CFAP299: variants seen among roughly 807,000 people sequenced by gnomAD.
CFAP299 encodes the protein cilia and flagella associated protein 299, also known as cilia- and flagella-associated protein 299.
In CFAP299, 21 loss-of-function variants were observed where a neutral mutation model predicts 27.0. That is an observed-to-expected ratio of 0.78 (90% CI 0.55 to 1.12). The LOEUF (loss-of-function observed/expected upper bound fraction) is 1.12, where lower values mean the gene tolerates loss of function less well. Ranked by LOEUF, CFAP299 falls within the 50% of genes most tolerant of loss-of-function variation. The probability of loss-of-function intolerance (pLI) is 0.00; values close to 1 mark genes in which losing one functional copy is unlikely to be tolerated. For synonymous variants in CFAP299, 104 were observed against 98.1 expected (o/e 1.06, Z -0.36); for missense variants, 310 against 276.6 (o/e 1.12, Z -0.86).
chr4:80,542,601 T>C (rs1440533073), intron 2 of CFAP299, among the ~76,000 whole-genome samples: 2 of 152,092 alleles, frequency 1.3e-5, no homozygotes, highest in Non-Finnish European at 2.9e-5. Context: ...AGGGCTGTCT[T>C]TCTCACGGGA....
intron 3 of CFAP299, among the ~76,000 whole-genome samples, chr4:80,747,244 A>C (rs1379018434): frequency 1.3e-5 from 2 of 152,082 alleles, no homozygotes; most frequent in East Asian, 3.8e-4. Context: ...ATCATTATGA[A>C]GTATTATGTA....
At chr4:80,858,775 A>T (rs1732106473) in intron 3 of CFAP299, among the ~76,000 whole-genome samples, 1 of 152,010 alleles carries the variant, frequency 6.6e-6, no homozygotes, top group Non-Finnish European at 1.5e-5. Context: ...TCTGAGAGAT[A>T]GTTTGTTATA....
At chr4:80,881,274 G>A (rs1265620797) in intron 4 of CFAP299, among the ~76,000 whole-genome samples, 6 of 152,192 alleles carry the variant, frequency 3.9e-5, no homozygotes, top group East Asian at 1.9e-4. Flanking sequence ...GTGCATAACA[G>A]AGGTTCTTCC....
At chr4:80,825,312 A>G (rs1729923798) in intron 3 of CFAP299, among the ~76,000 whole-genome samples, 1 of 152,004 alleles carries the variant, frequency 6.6e-6, no homozygotes, top group South Asian at 2.1e-4. Flanking sequence ...GCAATATGAA[A>G]GGATCAGAAG....
In CFAP299 at chr4:80,886,850, C is replaced by T. The variant is rs943920611; in HGVS notation, c.476+16715C>T. 5.3e-5 allele frequency among the ~76,000 whole-genome samples: 8 copies of T among 152,046 alleles called. No homozygotes were observed. In the East Asian group the frequency reaches 1.5e-3, roughly 29 times the overall value. ...AAGATAACCCAGAGAAGTTTAGAAT[C>T]ATATATCAGATAAATTTAACAAAGA... On this transcript the variant is annotated intron_variant, in intron 4 of 5. Coordinates refer to ENST00000358105, the MANE Select transcript of CFAP299 (RefSeq NM_152770.3).
intron 2 of CFAP299, among the ~76,000 whole-genome samples, chr4:80,542,385 C>T (rs1028625220): frequency 6.6e-6 from 1 of 152,108 alleles, no homozygotes; most frequent in Admixed American, 6.5e-5. Flanking sequence ...ACCAGAATAT[C>T]GAGTAAACTG....
intron 3 of CFAP299, among the ~76,000 whole-genome samples, chr4:80,654,287 G>T (rs1040257361): frequency 6.6e-6 from 1 of 152,080 alleles, no homozygotes; most frequent in African/African-American, 2.4e-5. Flanking sequence ...AGGCACCTGG[G>T]AGTTTTACTC....
At chr4:80,905,611 TCA>T in intron 4 of CFAP299, among the ~76,000 whole-genome samples, 1 of 152,270 alleles carries the variant, frequency 6.6e-6, no homozygotes, top group Middle Eastern at 3.4e-3. Flanking sequence ...TTTAATTGAC[TCA>T]CAGTTCCACA....
intron 3 of CFAP299, among the ~76,000 whole-genome samples, chr4:80,691,608 G>T (rs1409301542): frequency 2.6e-5 from 4 of 151,254 alleles, no homozygotes; most frequent in Non-Finnish European, 5.9e-5. Flanking sequence ...GCAAAAACTG[G>T]AAGCATTCCC....
At chr4:80,343,919 G>A (rs576416751) in intron 1 of CFAP299, among the ~76,000 whole-genome samples, 5 of 151,636 alleles carry the variant, frequency 3.3e-5, no homozygotes, top group East Asian at 1.9e-4. Context: ...TGAAATTAAG[G>A]TAGAAATCAA....
chr4:80,371,125 T>C (rs948012087), intron 2 of CFAP299, among the ~76,000 whole-genome samples: 45 of 152,338 alleles, frequency 3.0e-4, no homozygotes, highest in African/African-American at 1.1e-3. Context: ...GGCTATGGCT[T>C]GCATCCTCTG....
At chr4:80,841,856 A>AC (rs1560439187) in intron 3 of CFAP299, among the ~76,000 whole-genome samples, 1 of 152,066 alleles carries the variant, frequency 6.6e-6, no homozygotes, top group Non-Finnish European at 1.5e-5. Flanking sequence ...CCTCTTTTTA[A>AC]CCCAAGCCCT....
intron 2 of CFAP299, among the ~76,000 whole-genome samples, chr4:80,429,711 C>T (rs1442761535): frequency 6.6e-6 from 1 of 152,002 alleles, no homozygotes; most frequent in African/African-American, 2.4e-5. Context: ...AATAGTTATT[C>T]AGCAGATTTG....
intron 2 of CFAP299, among the ~76,000 whole-genome samples, chr4:80,462,883 A>C (rs1203990799): frequency 6.6e-6 from 1 of 152,140 alleles, no homozygotes; most frequent in Non-Finnish European, 1.5e-5. Flanking sequence ...ATTTTAGGGG[A>C]TTTTTAAAAA....
intron 2 of CFAP299, among the ~76,000 whole-genome samples, chr4:80,483,010 G>A (rs768854916): frequency 5.9e-5 from 9 of 152,106 alleles, no homozygotes; most frequent in Admixed American, 1.3e-4. Flanking sequence ...ATAGCAAAAC[G>A]GAACTAAGGT....
chr4:80,376,629 C>T (rs1724424810), intron 2 of CFAP299, among the ~76,000 whole-genome samples: 1 of 152,110 alleles, frequency 6.6e-6, no homozygotes, highest in Admixed American at 6.5e-5. Flanking sequence ...TCCCTAATGA[C>T]TAATGATGCT....
chr4:80,902,368 TAGATTATA>T, intron 4 of CFAP299, among the ~76,000 whole-genome samples: 1 of 146,004 alleles, frequency 6.8e-6, no homozygotes, highest in South Asian at 2.1e-4. Context: ...GGATAAAATA[TAGATTATA>T]TATTTTATAA....
intron 3 of CFAP299, among the ~76,000 whole-genome samples, chr4:80,592,116 A>G (rs1736819259): frequency 6.6e-6 from 1 of 152,246 alleles, no homozygotes; most frequent in African/African-American, 2.4e-5. Flanking sequence ...AAATTGCTAC[A>G]AATTTTGGAG....
At chr4:80,795,049 G>T (rs1727775204) in intron 3 of CFAP299, among the ~76,000 whole-genome samples, 1 of 152,154 alleles carries the variant, frequency 6.6e-6, no homozygotes, top group African/African-American at 2.4e-5. Context: ...GACAGGGATG[G>T]CTGGGGAAAG....
Sources: allele counts gnomAD v4.1 joint callset (sites outside exome capture counted in the v4.1 genomes callset), GRCh38; gene constraint gnomAD v4.1.1; transcripts MANE v1.5; gene names NCBI Gene and HGNC (gene_info 2026-07-23, HGNC 2026-07-21).